RAP1GDS1: variants seen among roughly 807,000 people sequenced by gnomAD.
RAP1GDS1 encodes RAP1, GTP-GDP dissociation stimulator 1.
A neutral mutation model predicts 71.1 loss-of-function variants in RAP1GDS1; 35 were observed. That is an observed-to-expected ratio of 0.49 (90% CI 0.38 to 0.65). The LOEUF (loss-of-function observed/expected upper bound fraction) is 0.65. RAP1GDS1 is among the 30% of genes least tolerant of loss of function. The pLI is 0.00. For synonymous variants in RAP1GDS1, 229 were observed against 243.1 expected, an observed-to-expected ratio of 0.94 and a Z score of 0.54; for missense variants, 663 against 706.1, an observed-to-expected ratio of 0.94 and a Z score of 0.69.
intron 9 of RAP1GDS1, 147 bp from the exon 10 acceptor site, chr4:98,418,510 C>CTA (rs990830768): frequency 1.3e-6 from 1 of 796,898 alleles, no homozygotes; most frequent in Non-Finnish European, 1.7e-6. Context: ...ACAGAAAAAC[C>CTA]TATAAATCTG....
chr4:98,270,323 A>G (rs186442699), intron 1 of RAP1GDS1, among the ~76,000 whole-genome samples: 113 of 152,308 alleles, frequency 7.4e-4, no homozygotes, highest in Non-Finnish European at 9.0e-4. Context: ...AAAGCCTGTG[A>G]TTCCTTGAAA....
At chr4:98,432,472 A>G (rs1185391246) in intron 12 of RAP1GDS1, among the ~76,000 whole-genome samples, 1 of 152,192 alleles carries the variant, frequency 6.6e-6, no homozygotes, top group Non-Finnish European at 1.5e-5. Flanking sequence ...GGTTAGAAAA[A>G]GCTTTCTAAA....
intron 7 of RAP1GDS1, among the ~76,000 whole-genome samples, chr4:98,416,238 A>G (rs1020562556): frequency 2.0e-5 from 3 of 152,056 alleles, no homozygotes; most frequent in African/African-American, 4.8e-5. Flanking sequence ...GAAATATGAA[A>G]TAAAGCTTTT....
chr4:98,442,910 A>G lies in RAP1GDS1; in HGVS notation c.*793A>G, dbSNP rs184235486. ...ACATACGCTGTTTCACTCAGGAACT[A>G]CTTCTACCAGTTAATCAGCATTATC... is the stretch of plus-strand genomic sequence containing the variant. On this transcript the variant is annotated 3_prime_UTR_variant, in exon 15 of 15. Coordinates refer to ENST00000408927, the MANE Select transcript of RAP1GDS1 (RefSeq NM_001100427.2). The G allele has an allele frequency of 4.3e-6, 1 of 231,336 alleles. No homozygotes were observed. Among genetic ancestry groups the G allele is most frequent in the Admixed American group, 5.6e-5 (1 of 17,712 alleles). 14.3% of individuals were successfully genotyped at this position (231,336 alleles called of 1,614,324 possible).
chr4:98,399,617 A>C (rs1374766558), intron 6 of RAP1GDS1, among the ~76,000 whole-genome samples: 1 of 152,152 alleles, frequency 6.6e-6, no homozygotes, highest in African/African-American at 2.4e-5. Context: ...AAAATGGGCA[A>C]ATTATCTAAA....
intron 11 of RAP1GDS1, among the ~76,000 whole-genome samples, chr4:98,420,959 T>C (rs929285905): frequency 6.6e-6 from 1 of 152,228 alleles, no homozygotes; most frequent in African/African-American, 2.4e-5. Flanking sequence ...TTTTCTATAT[T>C]GATTGCATAG....
intron 1 of RAP1GDS1, among the ~76,000 whole-genome samples, chr4:98,284,022 T>TA (rs1725614162): frequency 6.6e-6 from 1 of 152,256 alleles, no homozygotes; most frequent in Admixed American, 6.5e-5. Context: ...TTCAGCTACC[T>TA]ATACAGAAGG....
chr4:98,438,530 G>T, intron 14 of RAP1GDS1, among the ~76,000 whole-genome samples: 1 of 140,506 alleles, frequency 7.1e-6, no homozygotes. Context: ...GACTTCCTAT[G>T]GGTTAAACAT....
At chr4:98,279,955 T>C (rs1468308754) in intron 1 of RAP1GDS1, among the ~76,000 whole-genome samples, 1 of 152,250 alleles carries the variant, frequency 6.6e-6, no homozygotes, top group East Asian at 1.9e-4. Flanking sequence ...CTTTTATGGC[T>C]GCATAGTAAT....
At chr4:98,318,402 A>G (rs1731259957) in intron 2 of RAP1GDS1, among the ~76,000 whole-genome samples, 1 of 152,232 alleles carries the variant, frequency 6.6e-6, no homozygotes, top group Admixed American at 6.5e-5. Flanking sequence ...GCACAGTTAA[A>G]AGAGTAACAA....
chr4:98,341,162 A>G (rs1012782623), intron 2 of RAP1GDS1, among the ~76,000 whole-genome samples: 3 of 152,230 alleles, frequency 2.0e-5, no homozygotes, highest in Non-Finnish European at 2.9e-5. Flanking sequence ...TTCTAAACCT[A>G]TATAGAAATC....
intron 1 of RAP1GDS1, among the ~76,000 whole-genome samples, chr4:98,272,262 A>G (rs890431766): frequency 2.6e-5 from 4 of 152,250 alleles, no homozygotes; most frequent in Admixed American, 2.6e-4. Flanking sequence ...AAATAGGAAC[A>G]TTAAAATCAA....
At chr4:98,321,682 G>C (rs1404891255) in intron 2 of RAP1GDS1, among the ~76,000 whole-genome samples, 1 of 138,726 alleles carries the variant, frequency 7.2e-6, no homozygotes. Context: ...CTTCATAAGT[G>C]AAGGAGAAAT....
chr4:98,281,820 G>C (rs186496473), intron 1 of RAP1GDS1, among the ~76,000 whole-genome samples: 313 of 152,224 alleles, frequency 2.1e-3, no homozygotes, highest in African/African-American at 7.4e-3. Context: ...TAGCATGAAG[G>C]GCTGTTGAAT....
chr4:98,280,647 C>A (rs954372973), intron 1 of RAP1GDS1, among the ~76,000 whole-genome samples: 7 of 152,006 alleles, frequency 4.6e-5, no homozygotes, highest in African/African-American at 1.7e-4. Flanking sequence ...GCTTTTGTTG[C>A]CATTGCTTTT....
chr4:98,316,584 G>C (rs757608520), intron 2 of RAP1GDS1, among the ~76,000 whole-genome samples: 3 of 152,118 alleles, frequency 2.0e-5, no homozygotes, highest in African/African-American at 7.2e-5. Context: ...CTGGAGGGTT[G>C]TTGTGGTACT....
rs184344204 is a variant in RAP1GDS1, at chr4:98,442,578, G to T, written c.*461G>T. ...GGGAAGCACAGTGACCAAAAAAGTT[G>T]TATGGCTGCTTATTCATTAGTCTTT... On this transcript the variant is annotated 3_prime_UTR_variant, in exon 15 of 15. Transcript: ENST00000408927. 3 of 228,216 alleles carry T rather than the reference G, an allele frequency of 1.3e-5. No homozygotes were observed. The highest frequency in any genetic ancestry group is 5.7e-5 in the Admixed American group (1 of 17,620). 14.1% of individuals were successfully genotyped at this position (228,216 alleles called of 1,614,324 possible).
At chr4:98,296,056 C>A (rs1328605736) in intron 2 of RAP1GDS1, among the ~76,000 whole-genome samples, 1 of 150,562 alleles carries the variant, frequency 6.6e-6, no homozygotes, top group East Asian at 1.9e-4. Flanking sequence ...ACAACAACAA[C>A]AAAAACACAG....
Position 98,326,931 on chromosome 4 carries a change from G to T in RAP1GDS1, c.113-16208G>T, listed in dbSNP as rs76365874. Among the ~76,000 whole-genome samples the T allele has an allele frequency of 7.9e-3, 1,203 of 151,928 alleles. 15 individuals carry two copies. Among genetic ancestry groups the T allele is most frequent in the African/African-American group, 0.028 (1,151 of 41,460 alleles). On this transcript the variant is annotated intron_variant, in intron 2 of 14. Transcript: ENST00000408927. The stretch of plus-strand genomic sequence containing the variant: ...TAGTCGTTTTTCTACTCTGATACAA[G>T]CTAGTCTGATGACAGTGCCACACAC...
Sources: gnomAD v4.1 joint callset for allele counts (sites outside exome capture counted in the v4.1 genomes callset) on GRCh38, gnomAD v4.1.1 for gene constraint, MANE v1.5 for transcripts, NCBI Gene and HGNC (gene_info 2026-07-23, HGNC 2026-07-21) for gene names.